The following PALLD variants were observed in gnomAD, a reference collection of about 807,000 sequenced individuals.
PALLD encodes palladin, cytoskeletal associated protein.
A neutral mutation model predicts 123.5 loss-of-function variants in PALLD; 61 were observed. That is an observed-to-expected ratio of 0.49 (90% CI 0.40 to 0.61). The LOEUF (loss-of-function observed/expected upper bound fraction) is 0.61, where lower values mean the gene tolerates loss of function less well. PALLD is among the 20% of genes least tolerant of loss of function. The pLI is 0.00. For synonymous variants in PALLD, 465 were observed against 496.4 expected (o/e 0.94, Z 0.84); for missense variants, 1,273 against 1,377.0 (o/e 0.92, Z 1.20).
At chr4:168,712,326 A>C (rs900143680) in intron 10 of PALLD, 7 of 284,708 alleles carry the variant, frequency 2.5e-5, no homozygotes, top group Non-Finnish European at 4.7e-5. Flanking sequence ...TATCAGTAAG[A>C]AGATCTGATA....
chr4:168,548,405 T>A (rs1766389122), intron 2 of PALLD, among the ~76,000 whole-genome samples: 1 of 151,484 alleles, frequency 6.6e-6, no homozygotes, highest in Non-Finnish European at 1.5e-5. Context: ...TCCTAAATTA[T>A]CTTTACACTT....
intron 2 of PALLD, among the ~76,000 whole-genome samples, chr4:168,556,159 A>T (rs902385921): frequency 6.6e-6 from 1 of 151,800 alleles, no homozygotes; most frequent in African/African-American, 2.4e-5. Context: ...GCAGTGGCGC[A>T]ATCTCGGCTC....
intron 5 of PALLD, among the ~76,000 whole-genome samples, chr4:168,684,781 G>T (rs1261273459): frequency 6.6e-6 from 1 of 152,146 alleles, no homozygotes; most frequent in Non-Finnish European, 1.5e-5. Flanking sequence ...TCTTCATGAT[G>T]TCCTGTGGCA....
intron 10 of PALLD, among the ~76,000 whole-genome samples, chr4:168,795,321 G>A (rs575737392): frequency 6.6e-6 from 1 of 152,310 alleles, no homozygotes; most frequent in East Asian, 1.9e-4. Flanking sequence ...AGGTTCTTGA[G>A]TGGCAATTTG....
chr4:168,610,198 C>T (rs1019766922), intron 2 of PALLD, among the ~76,000 whole-genome samples: 3 of 152,126 alleles, frequency 2.0e-5, no homozygotes, highest in Admixed American at 1.3e-4. Context: ...AGCTTTCCAC[C>T]AGGAGTCTTT....
At chr4:168,847,147 A>T (rs778478349) in intron 10 of PALLD, among the ~76,000 whole-genome samples, 15 of 152,300 alleles carry the variant, frequency 9.8e-5, no homozygotes, top group Non-Finnish European at 2.1e-4. Flanking sequence ...TTTTGAGGGC[A>T]ATTTATACCC....
chr4:168,538,966 C>G (rs1316732865), intron 2 of PALLD, among the ~76,000 whole-genome samples: 2 of 152,154 alleles, frequency 1.3e-5, no homozygotes, highest in Admixed American at 6.5e-5. Context: ...CCTCCCCCAG[C>G]CCCTAAAAAG....
At chr4:168,593,231 C>T (rs1771618423) in intron 2 of PALLD, among the ~76,000 whole-genome samples, 1 of 152,046 alleles carries the variant, frequency 6.6e-6, no homozygotes, top group East Asian at 1.9e-4. Flanking sequence ...CTTCTAAACT[C>T]TCATCTCTCC....
chr4:168,817,291 C>G (rs745770022), intron 10 of PALLD, among the ~76,000 whole-genome samples: 1 of 152,172 alleles, frequency 6.6e-6, no homozygotes, highest in Non-Finnish European at 1.5e-5. Flanking sequence ...CCATCACATT[C>G]CCTTTATGTG....
chr4:168,639,496 A>G (rs563427837), intron 2 of PALLD, among the ~76,000 whole-genome samples: 91 of 152,176 alleles, frequency 6.0e-4, no homozygotes, highest in Admixed American at 2.2e-3. Flanking sequence ...TCTTTTACTT[A>G]AACCTGTTCA....
At chr4:168,718,607 G>A (rs900724205) in intron 10 of PALLD, among the ~76,000 whole-genome samples, 4 of 152,086 alleles carry the variant, frequency 2.6e-5, no homozygotes, top group African/African-American at 4.8e-5. Context: ...AGAAATATAT[G>A]CACTGAAAAG....
chr4:168,774,455 C>T (rs747082544), intron 10 of PALLD, among the ~76,000 whole-genome samples: 1 of 152,038 alleles, frequency 6.6e-6, no homozygotes, highest in African/African-American at 2.4e-5. Context: ...TGGCTGAGTG[C>T]GGTGGCTCAT....
intron 10 of PALLD, among the ~76,000 whole-genome samples, chr4:168,840,390 G>C (rs1745871178): frequency 6.6e-6 from 1 of 152,172 alleles, no homozygotes; most frequent in African/African-American, 2.4e-5. Flanking sequence ...AAATCAGCTA[G>C]GGCTAATAAG....
At chr4:168,867,955 G>A (rs1429079192) in intron 10 of PALLD, among the ~76,000 whole-genome samples, 1 of 151,256 alleles carries the variant, frequency 6.6e-6, no homozygotes, top group Non-Finnish European at 1.5e-5. Flanking sequence ...TGGTCTGAGG[G>A]TTATCTGGAT....
intron 2 of PALLD, among the ~76,000 whole-genome samples, chr4:168,566,879 G>A (rs1053831086): frequency 1.3e-5 from 2 of 152,096 alleles, no homozygotes; most frequent in Non-Finnish European, 2.9e-5. Flanking sequence ...TGGATAGTGT[G>A]GATTGGTCAG....
intron 2 of PALLD, chr4:168,632,040 C>T (rs1027420278): frequency 9.3e-6 from 4 of 428,464 alleles, no homozygotes; most frequent in African/African-American, 8.6e-5. Context: ...CCGTGTTCCG[C>T]CACGGTTTTC....
intron 2 of PALLD, among the ~76,000 whole-genome samples, chr4:168,637,505 A>G (rs1776465125): frequency 6.6e-6 from 1 of 152,136 alleles, no homozygotes; most frequent in Non-Finnish European, 1.5e-5. Flanking sequence ...TTATTTAAAA[A>G]AAAAAAAAAG....
At chr4:168,921,439 A>G (rs1051867556) in intron 17 of PALLD, 95 bp from the exon 18 acceptor site, 11 of 711,586 alleles carry the variant, frequency 1.5e-5, no homozygotes, top group Admixed American at 4.5e-5. Context: ...CACCTCTTGT[A>G]CTACTGAAGG....
chr4:168,713,753 A>G (rs1785060821), intron 10 of PALLD, among the ~76,000 whole-genome samples: 2 of 150,434 alleles, frequency 1.3e-5, no homozygotes, highest in South Asian at 4.2e-4. Flanking sequence ...ATGAATATAT[A>G]TAAATATATA....
Sources: gnomAD v4.1 joint callset for allele counts (sites outside exome capture counted in the v4.1 genomes callset) on GRCh38, gnomAD v4.1.1 for gene constraint, MANE v1.5 for transcripts, NCBI Gene and HGNC (gene_info 2026-07-23, HGNC 2026-07-21) for gene names.